The following KLHL22 variants were observed in gnomAD, a reference collection of about 807,000 sequenced individuals.
KLHL22 encodes the protein kelch-like protein 22.
Under a neutral mutation model 60.7 loss-of-function variants are expected in KLHL22, and 18 were observed. That is an observed-to-expected ratio of 0.30 (90% CI 0.20 to 0.44). The LOEUF is 0.44. KLHL22 is among the 20% of genes least tolerant of loss of function. The pLI, the probability that KLHL22 is intolerant of heterozygous loss-of-function variation, is 1.00. For missense variants in KLHL22, 596 were observed against 852.3 expected, an observed-to-expected ratio of 0.70 and a Z score of 3.74; for synonymous variants, 355 against 354.5, an observed-to-expected ratio of 1.00 and a Z score of -0.01.
rs1399672473 is a variant in KLHL22, at chr22:20,457,743, A to G, written c.1305+65T>C. 3.8e-6 allele frequency: 5 copies of G among 1,326,322 alleles called. No individual in the cohort carries two copies. In the East Asian group the frequency reaches 1.3e-4, roughly 33 times the overall value. 82.2% of individuals were successfully genotyped at this position (1,326,322 alleles called of 1,614,324 possible). On this transcript the variant is annotated intron_variant, in intron 5 of 6. Transcript: ENST00000328879. ...ACAGGCCTTGACACCTAGGCCTCTCACTCTTTGCACATCCTGGGGAAGGAA... is the reference window on the plus strand; with the variant it reads ...ACAGGCCTTGACACCTAGGCCTCTCGCTCTTTGCACATCCTGGGGAAGGAA...
intron 5 of KLHL22, among the ~76,000 whole-genome samples, chr22:20,455,930 G>A (rs932554374): frequency 6.6e-6 from 1 of 152,180 alleles, no homozygotes; most frequent in East Asian, 1.9e-4. Flanking sequence ...CAGTTGGGGC[G>A]ATCTTATTCT....
In KLHL22 at chr22:20,465,603, G is replaced by T. The variant is rs1336739686; in HGVS notation, c.394-27C>A. On this transcript the variant is annotated intron_variant, in intron 3 of 6. Transcript: ENST00000328879. The surrounding 1 kb of genome is among the most constrained non-coding windows in gnomAD (Gnocchi z 4.9). The stretch of plus-strand genomic sequence containing the variant: ...TGCAGAGAGAATGACACCCATTCAA[G>T]CCTGGGCTGGTGAACAGCATCTGGG... 8.9e-7 allele frequency: 1 copy of T among 1,129,464 alleles called. No individual in the cohort carries two copies. Among genetic ancestry groups the T allele is most frequent in the South Asian group, 1.2e-5 (1 of 81,470 alleles). 70.0% of individuals were successfully genotyped at this position (1,129,464 alleles called of 1,614,324 possible). A position where few individuals can be genotyped will look rare whatever the true frequency, so the allele number is the denominator to read the frequency against.
chr22:20,480,673 T>C (rs925649093), intron 2 of KLHL22, among the ~76,000 whole-genome samples: 1 of 152,116 alleles, frequency 6.6e-6, no homozygotes, highest in African/African-American at 2.4e-5. Flanking sequence ...GGATCTTATA[T>C]CCCACGGGAT....
chr22:20,476,836 G>C (rs1265983059), intron 2 of KLHL22, among the ~76,000 whole-genome samples: 6 of 150,970 alleles, frequency 4.0e-5, no homozygotes, highest in African/African-American at 1.5e-4. Context: ...AGCCTCCCAA[G>C]TAGCTGGAAT....
chr22:20,480,646 T>C (rs575908352), intron 2 of KLHL22, among the ~76,000 whole-genome samples: 1 of 152,254 alleles, frequency 6.6e-6, no homozygotes, highest in South Asian at 2.1e-4. Flanking sequence ...TGAGAAATAC[T>C]GTACACATGC....
chr22:20,468,089 T>C (rs73879383), intron 3 of KLHL22, among the ~76,000 whole-genome samples: 7,891 of 150,474 alleles, frequency 0.052, 685 homozygotes, highest in African/African-American at 0.18. Context: ...GTATGTGCCC[T>C]ACATGAGGTA....
chr22:20,459,045 C>T (rs2053113121), intron 4 of KLHL22, among the ~76,000 whole-genome samples: 1 of 152,126 alleles, frequency 6.6e-6, no homozygotes, highest in Non-Finnish European at 1.5e-5. Flanking sequence ...GCATGGCCTG[C>T]AATGTGGAGC....
chr22:20,479,099 A>G (rs2053458791), intron 2 of KLHL22, among the ~76,000 whole-genome samples: 1 of 151,502 alleles, frequency 6.6e-6, no homozygotes, highest in African/African-American at 2.4e-5. Context: ...ACTGCACTCC[A>G]GCCTGGGCGA....
rs1425719091 is a variant in KLHL22 at position 20,471,493 on chromosome 22, T to C, written c.250A>G (p.Lys84Glu). 1 of 1,613,976 alleles carries C rather than the reference T, an allele frequency of 6.2e-7. No homozygotes were observed. The highest frequency in any genetic ancestry group is 2.2e-5 in the East Asian group (1 of 44,868). Residue 84 changes from lysine to glutamate, a missense_variant, in exon 3 of 7, where the codon AAG becomes GAG. Coordinates refer to ENST00000328879, the MANE Select transcript of KLHL22 (RefSeq NM_032775.4). The stretch of plus-strand genomic sequence containing the variant: ...AGGACCTCTTCCTGTTCCATCTCCT[T>C]CAATCCCCCAGCAAACATTCCTCTG... ...YFRGMFAGGLKEMEQEEVLIH... is the reference protein window; with the variant it reads ...YFRGMFAGGLEEMEQEEVLIH...
intron 2 of KLHL22, among the ~76,000 whole-genome samples, chr22:20,485,630 G>A (rs1340445489): frequency 2.0e-5 from 3 of 152,252 alleles, no homozygotes; most frequent in African/African-American, 7.2e-5. Flanking sequence ...CACTTTGGGA[G>A]GCCAAGGCAG....
chr22:20,485,487 A>C (rs1422340183), intron 2 of KLHL22, among the ~76,000 whole-genome samples: 1 of 152,224 alleles, frequency 6.6e-6, no homozygotes, highest in African/African-American at 2.4e-5. Flanking sequence ...TCCACCTGGG[A>C]AACAGCAAGG....
At chr22:20,486,104 T>G (rs1407315578) in intron 2 of KLHL22, among the ~76,000 whole-genome samples, 1 of 145,728 alleles carries the variant, frequency 6.9e-6, no homozygotes, top group Non-Finnish European at 1.5e-5. Context: ...GAGGCAGAGG[T>G]TGCAGTGAGC....
chr22:20,458,142 A>C, intron 4 of KLHL22, 142 bp from the exon 5 acceptor site: 1 of 806,180 alleles, frequency 1.2e-6, no homozygotes, highest in Non-Finnish European at 1.9e-6. Flanking sequence ...ACCAGTGCAC[A>C]CCGATCTACA....
intron 2 of KLHL22, among the ~76,000 whole-genome samples, chr22:20,477,518 G>A (rs771275018): frequency 6.6e-6 from 1 of 152,078 alleles, no homozygotes; most frequent in Non-Finnish European, 1.5e-5. Context: ...AGGTGGGAGT[G>A]TTGCTTGAGC....
rs1035533390 is a variant in KLHL22, at chr22:20,465,683, G to A, written c.394-107C>T. ...GGGCTGTTGTGGGCCAGGCAAAGCA[G>A]AAGGGAAGTCCTCCTTAATTGTCCC... is the stretch of plus-strand genomic sequence containing the variant. On this transcript the variant is annotated intron_variant, in intron 3 of 6. Transcript: ENST00000328879. This position sits in a 1 kb window ranked among gnomAD's most constrained non-coding sequence, Gnocchi z 4.9. 1 of 726,842 alleles carries A rather than the reference G, an allele frequency of 1.4e-6. No homozygotes were observed. Among genetic ancestry groups the A allele is most frequent in the Admixed American group, 1.9e-5 (1 of 52,698 alleles). 45.0% of individuals were successfully genotyped at this position (726,842 alleles called of 1,614,324 possible).
intron 6 of KLHL22, among the ~76,000 whole-genome samples, chr22:20,444,507 G>A (rs954451256): frequency 1.3e-5 from 2 of 152,128 alleles, no homozygotes; most frequent in South Asian, 2.1e-4. Context: ...CAGGGCTTCC[G>A]AATCAGTGGG....
Position 20,493,761 on chromosome 22 carries a change from A to G in KLHL22, c.-34+1999T>C, listed in dbSNP as rs1013392908. Among the ~76,000 whole-genome samples the G allele has an allele frequency of 4.6e-5, 7 of 151,998 alleles. No individual in the cohort carries two copies. The East Asian group carries it at 1.4e-3, about 29-fold the overall frequency. ...CGTCTCAAAAACAAAAAAACAAACA[A>G]AAAAACAATGTGCAAAGTAGGCTGG... On this transcript the variant is annotated intron_variant, in intron 1 of 6. Coordinates refer to ENST00000328879, the MANE Select transcript of KLHL22 (RefSeq NM_032775.4).
chr22:20,483,031 C>A (rs2053530578), intron 2 of KLHL22: 2 of 673,950 alleles, frequency 3.0e-6, no homozygotes, highest in Non-Finnish European at 5.4e-6. Context: ...ACTCCTAGGC[C>A]TGGCACTGTC....
intron 1 of KLHL22, chr22:20,491,774 T>G (rs1429496637): frequency 6.6e-6 from 1 of 152,248 alleles, no homozygotes; most frequent in African/African-American, 2.4e-5. Flanking sequence ...TCTTCACTAC[T>G]GAGGCTCAGG....
Sources: gnomAD v4.1 joint callset for allele counts (sites outside exome capture counted in the v4.1 genomes callset) on GRCh38, gnomAD v4.1.1 for gene constraint, Gnocchi (gnomAD v3.1) non-coding constraint, MANE v1.5 for transcripts, NCBI Gene and HGNC (gene_info 2026-07-23, HGNC 2026-07-21) for gene names.